ST8SIA1: variants seen among roughly 807,000 people sequenced by gnomAD.
ST8SIA1 encodes the protein alpha-N-acetylneuraminide alpha-2,8-sialyltransferase.
In ST8SIA1, 16 loss-of-function variants were observed where a neutral mutation model predicts 35.9. That is an observed-to-expected ratio of 0.45 (90% CI 0.30 to 0.68). The LOEUF is 0.68. Among genes scored for constraint, ST8SIA1 ranks in the 30% least tolerant of loss-of-function variants. The probability of loss-of-function intolerance (pLI) is 0.09; values close to 1 mark genes in which losing one functional copy is unlikely to be tolerated. For missense variants in ST8SIA1, 383 were observed against 453.6 expected (o/e 0.84, Z 1.41); for synonymous variants, 170 against 169.6 (o/e 1.00, Z -0.02).
At chr12:22,286,648 C>A (rs898127268) in intron 2 of ST8SIA1, 4 of 437,148 alleles carry the variant, frequency 9.2e-6, no homozygotes, top group Non-Finnish European at 1.3e-5. Context: ...ATTTAGACCA[C>A]TTCAAAAGTG....
chr12:22,216,348 G>T (rs1479841357), intron 4 of ST8SIA1, among the ~76,000 whole-genome samples: 1 of 152,016 alleles, frequency 6.6e-6, no homozygotes, highest in Non-Finnish European at 1.5e-5. Context: ...CTCTTTTCTT[G>T]CCACTGCTCG....
chr12:22,209,136 CAT>C (rs1321208274), intron 4 of ST8SIA1, among the ~76,000 whole-genome samples: 2 of 152,010 alleles, frequency 1.3e-5, no homozygotes, highest in East Asian at 3.9e-4. Context: ...CTTCTACAAA[CAT>C]ATTTTTAAAG....
At chr12:22,208,610 A>G (rs918200443) in intron 4 of ST8SIA1, among the ~76,000 whole-genome samples, 6 of 152,180 alleles carry the variant, frequency 3.9e-5, no homozygotes, top group Admixed American at 1.3e-4. Context: ...ATTATTTTAA[A>G]GTAAAATTTG....
intron 4 of ST8SIA1, among the ~76,000 whole-genome samples, chr12:22,212,307 TC>T (rs1420529438): frequency 1.3e-5 from 2 of 152,234 alleles, no homozygotes; most frequent in African/African-American, 4.8e-5. Flanking sequence ...TTAATTCATT[TC>T]CTCATATTAT....
intron 4 of ST8SIA1, among the ~76,000 whole-genome samples, chr12:22,217,592 C>T (rs1349071232): frequency 2.0e-5 from 3 of 152,048 alleles, no homozygotes; most frequent in Non-Finnish European, 2.9e-5. Flanking sequence ...TGCTTTATGC[C>T]TCAATTTTCT....
chr12:22,333,809 G>T (rs759861380), intron 1 of ST8SIA1, 188 bp downstream of exon 1: 1 of 767,530 alleles, frequency 1.3e-6, no homozygotes, highest in East Asian at 2.4e-5. Context: ...GGGGATCAGG[G>T]GTGGGGAAGG....
At chr12:22,308,955 C>T (rs1303449169) in intron 1 of ST8SIA1, among the ~76,000 whole-genome samples, 2 of 152,090 alleles carry the variant, frequency 1.3e-5, no homozygotes, top group African/African-American at 4.8e-5. Context: ...ATTTATTATT[C>T]TAATCATAAT....
At chr12:22,238,577 G>A (rs895126510) in intron 4 of ST8SIA1, among the ~76,000 whole-genome samples, 4 of 152,160 alleles carry the variant, frequency 2.6e-5, no homozygotes, top group Admixed American at 2.0e-4. Flanking sequence ...CCACAGAAAC[G>A]TGAAAGATAC....
chr12:22,242,194 T>A (rs1865548855), intron 4 of ST8SIA1, among the ~76,000 whole-genome samples: 1 of 152,124 alleles, frequency 6.6e-6, no homozygotes, highest in South Asian at 2.1e-4. Context: ...TCTTATTTTA[T>A]CCAGGGGACA....
intron 4 of ST8SIA1, among the ~76,000 whole-genome samples, chr12:22,205,450 A>C (rs1865096613): frequency 1.3e-5 from 2 of 152,306 alleles, no homozygotes; most frequent in Non-Finnish European, 1.5e-5. Context: ...ACAAAAGTAT[A>C]GCACATTTTA....
rs191861036 is a variant in ST8SIA1 at position 22,236,205 on chromosome 12, C to A, written c.584+12801G>T. Reference sequence around the variant, plus strand: ...GCTTATCCCAACAATTCCACACTCACCTATTACTCAGATTCCACTCCCGAA... The same window carrying A: ...GCTTATCCCAACAATTCCACACTCAACTATTACTCAGATTCCACTCCCGAA... On this transcript the variant is annotated intron_variant, in intron 4 of 4. Coordinates refer to ENST00000396037, the MANE Select transcript of ST8SIA1 (RefSeq NM_003034.4). 9.2e-5 allele frequency among the ~76,000 whole-genome samples: 14 copies of A among 152,280 alleles called. 1 individual carries two copies. The East Asian group carries it at 2.3e-3, about 25-fold the overall frequency.
intron 1 of ST8SIA1, among the ~76,000 whole-genome samples, chr12:22,290,364 T>C (rs956511470): frequency 1.3e-5 from 2 of 152,158 alleles, no homozygotes; most frequent in Admixed American, 6.5e-5. Flanking sequence ...AAAACAGGAA[T>C]AGTACTAGTA....
rs1866710859 is a variant in ST8SIA1, at chr12:22,328,508, T to C, written c.236+5489A>G. On this transcript the variant is annotated intron_variant, in intron 1 of 4. Transcript: ENST00000396037. ...TTATTTGTATATTTCTCTGTTTATTTTCTGTCTCTCATCATTATCCTATAA... is the reference window on the plus strand; with the variant it reads ...TTATTTGTATATTTCTCTGTTTATTCTCTGTCTCTCATCATTATCCTATAA... Among the ~76,000 whole-genome samples, 7 of 152,316 alleles carry C rather than the reference T, an allele frequency of 4.6e-5. No homozygotes were observed. The South Asian group carries it at 1.5e-3, about 32-fold the overall frequency.
chr12:22,201,888 A>G lies in ST8SIA1; in HGVS notation c.735T>C (p.Asn245=), dbSNP rs761949169. The part of the protein sequence containing the change: ...VYYTLSDVGA[N]QTVLFANPNF... ...TGGGGTTGGCAAACAGCACTGTTTG[A>G]TTGGCACCAACATCTGACAGTGTAT... The change falls in exon 5 of 5, where the codon AAT becomes AAC. Residue 245 remains asparagine (N), a synonymous_variant. Transcript: ENST00000396037. The G allele has an allele frequency of 6.2e-7, 1 of 1,614,120 alleles. No individual in the cohort carries two copies. The highest frequency in any genetic ancestry group is 1.1e-5 in the South Asian group (1 of 91,084).
chr12:22,323,477 C>T (rs1866630751), intron 1 of ST8SIA1, among the ~76,000 whole-genome samples: 1 of 152,132 alleles, frequency 6.6e-6, no homozygotes, highest in Middle Eastern at 3.2e-3. Flanking sequence ...GGCAGAAATA[C>T]CAATTGACCC....
chr12:22,289,451 T>C (rs1866148569), intron 1 of ST8SIA1, among the ~76,000 whole-genome samples: 1 of 152,154 alleles, frequency 6.6e-6, no homozygotes, highest in African/African-American at 2.4e-5. Flanking sequence ...AGAACCATTT[T>C]GATTCATTTG....
intron 4 of ST8SIA1, among the ~76,000 whole-genome samples, chr12:22,220,741 C>T (rs1416269321): frequency 6.6e-6 from 1 of 152,156 alleles, no homozygotes; most frequent in Non-Finnish European, 1.5e-5. Context: ...TCCCAGGATC[C>T]TCACGGAAAT....
intron 2 of ST8SIA1, among the ~76,000 whole-genome samples, chr12:22,257,473 C>T (rs537448102): frequency 2.5e-4 from 38 of 150,008 alleles, no homozygotes; most frequent in African/African-American, 8.3e-4. Flanking sequence ...ATCAGCTTAC[C>T]TCTTCCTCCC....
intron 4 of ST8SIA1, among the ~76,000 whole-genome samples, chr12:22,233,526 T>C (rs1159960364): frequency 1.3e-5 from 2 of 152,176 alleles, no homozygotes; most frequent in East Asian, 3.8e-4. Flanking sequence ...AATCCTCCTT[T>C]TCTCTTTTAA....
Sources: gnomAD v4.1 joint callset for allele counts (sites outside exome capture counted in the v4.1 genomes callset) on GRCh38, gnomAD v4.1.1 for gene constraint, MANE v1.5 for transcripts, NCBI Gene and HGNC (gene_info 2026-07-23, HGNC 2026-07-21) for gene names.